The following ACTA2 variants were observed in gnomAD, a reference collection of about 807,000 sequenced individuals.
The protein encoded by ACTA2 is actin, aortic smooth muscle.
In ACTA2, 12 loss-of-function variants were observed where a neutral mutation model predicts 39.5. The observed-to-expected ratio is 0.30, with a 90% confidence interval of 0.19 to 0.49. ACTA2 has a LOEUF of 0.49. ACTA2 is among the 20% of genes least tolerant of loss of function. The pLI is 0.99. For synonymous variants in ACTA2, 158 were observed against 180.6 expected (o/e 0.88, Z 1.00); for missense variants, 236 against 498.8 (o/e 0.47, Z 5.02).
chr10:88,988,751 G>C (rs2133372978), intron 1 of ACTA2, among the ~76,000 whole-genome samples: 1 of 152,274 alleles, frequency 6.6e-6, no homozygotes, highest in African/African-American at 2.4e-5. Context: ...TCATTCAATA[G>C]ATTCTTCAAA....
chr10:88,983,862 A>G (rs113949217), intron 1 of ACTA2, among the ~76,000 whole-genome samples: 34 of 152,322 alleles, frequency 2.2e-4, no homozygotes, highest in African/African-American at 7.7e-4. Context: ...AGCCAGGTGG[A>G]GGAATGCCTG....
intron 2 of ACTA2, chr10:88,948,257 A>G (rs576844435): frequency 6.1e-6 from 1 of 163,214 alleles, no homozygotes; most frequent in Admixed American, 5.6e-5. Flanking sequence ...GATGTGAAGA[A>G]GAATTTCTGA....
chr10:88,954,844 G>T (rs1846107822), upstream of ACTA2, among the ~76,000 whole-genome samples: 1 of 151,966 alleles, frequency 6.6e-6, no homozygotes, highest in Non-Finnish European at 1.5e-5. Flanking sequence ...GCCTGGGTTT[G>T]AGATTTATAG....
intron 3 of ACTA2, 25 bp downstream of exon 3, chr10:88,947,233 C>A (rs1013024489): frequency 1.2e-6 from 2 of 1,613,492 alleles, no homozygotes; most frequent in East Asian, 4.5e-5. Context: ...TCCTGAGGGC[C>A]CAAGCTGCAG....
chr10:88,948,400 A>G, intron 2 of ACTA2: 1 of 187,800 alleles, frequency 5.3e-6, no homozygotes, highest in Non-Finnish European at 1.1e-5. Flanking sequence ...TTTGGTATCG[A>G]TGCTTGCTTT....
intron 2 of ACTA2, chr10:88,948,480 T>G: frequency 3.1e-6 from 1 of 321,054 alleles, no homozygotes; most frequent in Non-Finnish European, 6.0e-6. Context: ...AACAGTAGCT[T>G]TGGTATACAT....
Position 88,941,843 on chromosome 10 carries a change from T to G in ACTA2, c.396A>C (p.Pro132=), listed in dbSNP as rs1313729817. The G allele has an allele frequency of 6.2e-7, 1 of 1,613,096 alleles. No individual in the cohort carries two copies. Among genetic ancestry groups the G allele is most frequent in the East Asian group, 2.2e-5 (1 of 44,720 alleles). Residue 132 remains proline (P), a synonymous_variant, in exon 5 of 9, where the codon CCA becomes CCC. Transcript: ENST00000224784. The stretch of plus-strand genomic sequence containing the variant: ...CCGCCTGGATAGCCACATACATGGC[T>G]GGGACATTGAAAGTCTCAAACATAA... The part of the protein sequence containing the change: ...TQIMFETFNV[P]AMYVAIQAVL...
At chr10:88,951,680 G>T (rs951924195) in intron 1 of ACTA2, among the ~76,000 whole-genome samples, 1 of 152,092 alleles carries the variant, frequency 6.6e-6, no homozygotes, top group Non-Finnish European at 1.5e-5. Context: ...GGTAAAACAC[G>T]CTCGAGTGTC....
chr10:88,989,323 C>G (rs1313797654), intron 1 of ACTA2: 1 of 323,682 alleles, frequency 3.1e-6, no homozygotes, highest in African/African-American at 2.2e-5. Flanking sequence ...CCCTCACACC[C>G]CTTTTCCTTC....
intron 6 of ACTA2, 142 bp downstream of exon 6, chr10:88,941,087 T>C: frequency 9.9e-7 from 1 of 1,012,866 alleles, no homozygotes; most frequent in Admixed American, 2.0e-5. Context: ...CAAAGAAAGA[T>C]GTGCTTTGCT....
At position 88,963,753 on chromosome 10, in the gene ACTA2, AG is replaced by A. The variant is rs372190254; in HGVS notation, c.-23-14801del. Among the ~76,000 whole-genome samples, 645 of 152,318 alleles carry A rather than the reference AG, an allele frequency of 4.2e-3. 6 individuals carry two copies. The highest frequency in any genetic ancestry group is 0.035 in the South Asian group (168 of 4,830). On this transcript the variant is annotated intron_variant, in intron 1 of 4. Coordinates refer to the ACTA2 transcript ENST00000415557. ...GGGCATTACCATTTTGGGTCAAAAA[AG>A]AAGTAGGTTCTGGAGTAATCAAACT...
At chr10:88,939,407 T>G (rs1845806466) in intron 7 of ACTA2, 100 bp downstream of exon 7, 2 of 1,493,118 alleles carry the variant, frequency 1.3e-6, no homozygotes, top group Non-Finnish European at 1.9e-6. Context: ...ATGCTTTTGG[T>G]CTTGGGGCAA....
chr10:88,940,329 G>A (rs1474100942), intron 6 of ACTA2: 3 of 158,512 alleles, frequency 1.9e-5, no homozygotes, highest in Non-Finnish European at 4.2e-5. Context: ...GCTCTCTGAA[G>A]TTCTAGGCTA....
At chr10:88,944,361 A>G (rs1180243687) in intron 3 of ACTA2, among the ~76,000 whole-genome samples, 1 of 152,212 alleles carries the variant, frequency 6.6e-6, no homozygotes, top group Non-Finnish European at 1.5e-5. Flanking sequence ...TGTCCAGCCC[A>G]GTGTCTGGTC....
intron 1 of ACTA2, among the ~76,000 whole-genome samples, chr10:88,981,227 C>T (rs1846703314): frequency 6.6e-6 from 1 of 152,154 alleles, no homozygotes; most frequent in African/African-American, 2.4e-5. Flanking sequence ...ACTCACCTAA[C>T]CTATGTTTCT....
chr10:88,949,581 G>T (rs1846013694), intron 1 of ACTA2, among the ~76,000 whole-genome samples: 2 of 152,106 alleles, frequency 1.3e-5, no homozygotes, highest in African/African-American at 4.8e-5. Context: ...TTTAGGGGCT[G>T]CAATTATCCA....
chr10:88,967,957 T>C (rs1408565533), intron 1 of ACTA2, among the ~76,000 whole-genome samples: 3 of 152,222 alleles, frequency 2.0e-5, no homozygotes, highest in Admixed American at 6.5e-5. Context: ...TTCAAGTTTA[T>C]GGCTTATCCA....
At chr10:88,970,976 A>G (rs1241575013) in intron 1 of ACTA2, among the ~76,000 whole-genome samples, 2 of 152,200 alleles carry the variant, frequency 1.3e-5, no homozygotes, top group African/African-American at 4.8e-5. Flanking sequence ...CATGTCTGAC[A>G]TTCAGATTCC....
upstream of ACTA2, among the ~76,000 whole-genome samples, chr10:88,953,891 C>T (rs142741163): frequency 2.8e-3 from 430 of 152,216 alleles, 3 homozygotes; most frequent in African/African-American, 0.01. Context: ...TGAGGCCTCC[C>T]CAGCCATGCA....
Sources: gnomAD v4.1 joint callset for allele counts (sites outside exome capture counted in the v4.1 genomes callset) on GRCh38, gnomAD v4.1.1 for gene constraint, MANE v1.5 for transcripts, NCBI Gene and HGNC (gene_info 2026-07-23, HGNC 2026-07-21) for gene names.